Variants in TOPORS observed in about 807,000 individuals in gnomAD.
The protein encoded by TOPORS is E3 ubiquitin-protein ligase Topors.
TOPORS carries 25 observed loss-of-function variants against 81.4 expected under a neutral mutation model. That is an observed-to-expected ratio of 0.31 (90% CI 0.22 to 0.43). The LOEUF (loss-of-function observed/expected upper bound fraction) is 0.43. TOPORS is among the 20% of genes least tolerant of loss of function. The pLI is 1.00. For missense variants in TOPORS, 1,101 were observed against 1,267.0 expected, an observed-to-expected ratio of 0.87 and a Z score of 1.99; for synonymous variants, 473 against 456.6, an observed-to-expected ratio of 1.04 and a Z score of -0.46.
chr9:32,548,637 A>G (rs1227620085), intron 2 of TOPORS, among the ~76,000 whole-genome samples: 7 of 152,204 alleles, frequency 4.6e-5, no homozygotes, highest in Non-Finnish European at 1.0e-4. Flanking sequence ...AGGTTCTGTA[A>G]GAAGCCTGTG....
chr9:32,544,681 T>C (rs190643040), intron 2 of TOPORS, among the ~76,000 whole-genome samples: 25 of 152,242 alleles, frequency 1.6e-4, no homozygotes, highest in Admixed American at 1.5e-3. Flanking sequence ...TGCTACATAG[T>C]AAAGCTCTCA....
rs747383256 is a variant in TOPORS, at chr9:32,542,710, C to A, written c.1815G>T (p.Gln605His). 6 of 1,613,928 alleles carry A rather than the reference C, an allele frequency of 3.7e-6. No individual in the cohort carries two copies. The highest frequency in any genetic ancestry group is 2.2e-5 in the South Asian group (2 of 91,086). ...GRSRSSDSRS[Q>H]SRSGHDQKNH... is the part of the protein sequence containing the mutation. ...TCTTCTGATCATGCCCACTTCTACT[C>A]TGAGAACGTGAATCTGAACTTCTTG... is the stretch of plus-strand genomic sequence containing the variant. The change falls in exon 3 of 3, where the codon CAG (glutamine) becomes CAT (histidine). Residue 605 changes from glutamine to histidine, a missense_variant. Transcript: ENST00000360538.
intron 1 of TOPORS, chr9:32,551,477 G>C (rs1373206960): frequency 3.8e-6 from 1 of 266,054 alleles, no homozygotes; most frequent in Non-Finnish European, 7.6e-6. Context: ...AGGCTGGGGA[G>C]AAACAGGACA....
intron 1 of TOPORS, chr9:32,551,496 A>G: frequency 3.8e-6 from 1 of 265,596 alleles, no homozygotes; most frequent in Non-Finnish European, 7.6e-6. Flanking sequence ...CAACCTAACA[A>G]AACAGGGCCT....
intron 2 of TOPORS, 108 bp downstream of exon 2, chr9:32,550,666 G>A (rs1249130310): frequency 1.2e-5 from 16 of 1,317,302 alleles, no homozygotes; most frequent in Non-Finnish European, 1.6e-5. Flanking sequence ...GGACAGCCCC[G>A]CAGGCCATGA....
At position 32,542,999 on chromosome 9, in the gene TOPORS, T is replaced by C. The variant is rs2118967716; in HGVS notation, c.1526A>G (p.Lys509Arg). The change falls in exon 3 of 3, where the codon AAA (lysine) becomes AGA (arginine). Residue 509 changes from lysine (K) to arginine (R), a missense_variant. Lys to Arg is a conservative substitution (Grantham distance 26, BLOSUM62 2). Transcript: ENST00000360538. ...SDSEDLGSYE[K>R]METVKTQEQE... is the part of the protein sequence containing the mutation. ...TTCTTGTGTCTTCACTGTCTCCATT[T>C]TCTCATAAGAACCTAAGTCCTCAGA... 2 of 1,614,226 alleles carry C rather than the reference T, an allele frequency of 1.2e-6. No homozygotes were observed. Among genetic ancestry groups the C allele is most frequent in the South Asian group, 2.2e-5 (2 of 91,086 alleles).
Position 32,542,979 on chromosome 9 carries a change from G to C in TOPORS, c.1546C>G (p.Gln516Glu), listed in dbSNP as rs776204840. Reference sequence around the variant, plus strand: ...GAACTGTAAGATTGCTCCTGTTCTTGTGTCTTCACTGTCTCCATTTTCTCA... The same window carrying C: ...GAACTGTAAGATTGCTCCTGTTCTTCTGTCTTCACTGTCTCCATTTTCTCA... ...SYEKMETVKTQEQEQSYSSGD... is the reference protein window; with the variant it reads ...SYEKMETVKTEEQEQSYSSGD... The change falls in exon 3 of 3, where the codon CAA becomes GAA. Residue 516 changes from glutamine to glutamate, a missense_variant. By Grantham distance (29) the Gln-to-Glu change is conservative (BLOSUM62 2). Around this residue, in one of 9 missense-constraint regions of TOPORS, gnomAD observed 605 missense variants for 636.1 expected, o/e 0.95. Coordinates refer to ENST00000360538, the MANE Select transcript of TOPORS (RefSeq NM_005802.5). The C allele has an allele frequency of 1.9e-6, 3 of 1,614,192 alleles. No homozygotes were observed. Among genetic ancestry groups the C allele is most frequent in the Non-Finnish European group, 8.5e-7 (1 of 1,180,034 alleles).
chr9:32,542,593 C>CTTTTTG lies in TOPORS; in HGVS notation c.1926_1931dup (p.Lys643_Lys644insAsnLys). On this transcript the variant is annotated inframe_insertion, in exon 3 of 3. Transcript: ENST00000360538. Reference sequence around the variant, plus strand: ...AACTGCTATCTCTAGTTCTTGATCTCTTTTTGTCTCTTCTCCCTCTAGGTC... The same window carrying CTTTTTG: ...AACTGCTATCTCTAGTTCTTGATCTCTTTTTGTTTTTGTCTCTTCTCCCTCTAGGTC... The CTTTTTG allele has an allele frequency of 1.2e-6, 2 of 1,614,080 alleles. No individual in the cohort carries two copies. The highest frequency in any genetic ancestry group is 1.7e-6 in the Non-Finnish European group (2 of 1,180,012).
chr9:32,545,407 C>T lies in TOPORS; in HGVS notation c.199-1081G>A, dbSNP rs1038448694. Among the ~76,000 whole-genome samples the T allele has an allele frequency of 1.1e-4, 16 of 149,588 alleles. No homozygotes were observed. The East Asian group carries it at 2.3e-3, about 22-fold the overall frequency. The stretch of plus-strand genomic sequence containing the variant: ...TTGCTAGAGCTTGAAATCTAGTATG[C>T]GTTTTGACTTTATCTCATAAACTCC... On this transcript the variant is annotated intron_variant, in intron 2 of 2. Coordinates refer to ENST00000360538, the MANE Select transcript of TOPORS (RefSeq NM_005802.5).
chr9:32,549,474 C>CA (rs1313289709), intron 2 of TOPORS, among the ~76,000 whole-genome samples: 10 of 152,132 alleles, frequency 6.6e-5, no homozygotes, highest in African/African-American at 2.2e-4. Flanking sequence ...AGTTTTTTCT[C>CA]AAAATCTCAC....
rs2118963198 is a variant in TOPORS, at chr9:32,541,261, T to C, written c.*126A>G. ...CAAATTAACACCAAAAAAAAAATCATTTAAAATATTGTAAGGAGGAAGAGA... is the reference window on the plus strand; with the variant it reads ...CAAATTAACACCAAAAAAAAAATCACTTAAAATATTGTAAGGAGGAAGAGA... On this transcript the variant is annotated 3_prime_UTR_variant, in exon 3 of 3. Transcript: ENST00000360538. 1.0e-6 allele frequency: 1 copy of C among 961,912 alleles called. No homozygotes were observed. The highest frequency in any genetic ancestry group is 1.5e-6 in the Non-Finnish European group (1 of 653,770). The allele number at this position is 961,912 out of a possible 1,614,324, so 59.6% of individuals were successfully genotyped here.
In TOPORS at chr9:32,542,089, T is replaced by A; in HGVS notation, c.2436A>T (p.Pro812=). 1 of 1,614,184 alleles carries A rather than the reference T, an allele frequency of 6.2e-7. No homozygotes were observed. Among genetic ancestry groups the A allele is most frequent in the East Asian group, 2.2e-5 (1 of 44,882 alleles). ...TTGCTTTAGAAGCAAATTCACGAGA[T>A]GGCTGAGCCACTTCGTTAGTACCCT... ...HLEGTNEVAQ[P]SREFASKAKD... is the part of the protein sequence containing the mutation. Residue 812 remains proline, a synonymous_variant, in exon 3 of 3, where the codon CCA becomes CCT. Transcript: ENST00000360538.
In TOPORS at chr9:32,543,209, A is replaced by G; in HGVS notation, c.1316T>C (p.Leu439Ser). The change falls in exon 3 of 3, where the codon TTA becomes TCA. Residue 439 changes from leucine to serine, a missense_variant. Transcript: ENST00000360538. The surrounding 1 kb of genome is among the most constrained non-coding windows in gnomAD (Gnocchi z 5.6). ...TTCATCTGAACTGTCAGAAGTATTT[A>G]AAAGAGAAGACATAGTAACGTGTAC... ...EQVHVTMSSL[L>S]NTSDSSDEEL... The G allele has an allele frequency of 1.2e-6, 2 of 1,613,708 alleles. No individual in the cohort carries two copies. The highest frequency in any genetic ancestry group is 1.7e-6 in the Non-Finnish European group (2 of 1,180,026).
chr9:32,550,185 T>C (rs980469189), intron 2 of TOPORS, among the ~76,000 whole-genome samples: 1 of 152,196 alleles, frequency 6.6e-6, no homozygotes, highest in Non-Finnish European at 1.5e-5. Flanking sequence ...ATCTCAGCAC[T>C]GCCCCCTTCC....
chr9:32,544,320 C>T lies in TOPORS; in HGVS notation c.205G>A (p.Ala69Thr). 6.2e-7 allele frequency: 1 copy of T among 1,600,170 alleles called. No homozygotes were observed. The highest frequency in any genetic ancestry group is 8.5e-7 in the Non-Finnish European group (1 of 1,179,898). ...RPAPASSEIM[A>T]SAAKEFKMDN... The stretch of plus-strand genomic sequence containing the variant: ...ATTTTAAATTCCTTAGCAGCTGATG[C>T]CATTATCTGTAAAAGGGAAAGAAAT... The change falls in exon 3 of 3, where the codon GCA becomes ACA. Residue 69 changes from alanine (A) to threonine (T), a missense_variant. Ala to Thr is a moderately conservative substitution (Grantham distance 58). Coordinates refer to ENST00000360538, the MANE Select transcript of TOPORS (RefSeq NM_005802.5).
rs779056957 is a variant in TOPORS at position 32,542,641 on chromosome 9, T to C, written c.1884A>G (p.Arg628=). The C allele has an allele frequency of 3.3e-5, 54 of 1,613,946 alleles. No individual in the cohort carries two copies. The highest frequency in any genetic ancestry group is 6.7e-5 in the African/African-American group (5 of 74,918). ...HHGKKRMKSK[R]SRSRESSRPR... is the part of the protein sequence containing the mutation. ...GTCTGCTACTTTCCCTGCTTCTGGA[T>C]CGTTTACTTTTCATTCTTTTCTTCC... Residue 628 remains arginine, a synonymous_variant, in exon 3 of 3, where the codon CGA becomes CGG. Transcript: ENST00000360538.
At chr9:32,550,401 T>C (rs892285417) in intron 2 of TOPORS, among the ~76,000 whole-genome samples, 1 of 152,188 alleles carries the variant, frequency 6.6e-6, no homozygotes, top group Non-Finnish European at 1.5e-5. Context: ...AACTTAAATA[T>C]TGTTATTCCC....
chr9:32,542,688 T>C lies in TOPORS; in HGVS notation c.1837A>G (p.Lys613Glu). ...TTCCCATGATGCTTTCTATGATTCTTCTGATCATGCCCACTTCTACTCTGA... is the reference window on the plus strand; with the variant it reads ...TTCCCATGATGCTTTCTATGATTCTCCTGATCATGCCCACTTCTACTCTGA... ...RSQSRSGHDQ[K>E]NHRKHHGKKR... is the part of the protein sequence containing the mutation. Residue 613 changes from lysine to glutamate, a missense_variant, in exon 3 of 3, where the codon AAG becomes GAG. This residue lies in a region of TOPORS where 605 missense variants were observed against 636.1 expected (regional missense o/e 0.95). Coordinates refer to ENST00000360538, the MANE Select transcript of TOPORS (RefSeq NM_005802.5). 6.2e-7 allele frequency: 1 copy of C among 1,614,116 alleles called. No homozygotes were observed. The highest frequency in any genetic ancestry group is 8.5e-7 in the Non-Finnish European group (1 of 1,180,036).
rs376719585 is a variant in TOPORS, at chr9:32,542,587, T to G, written c.1938A>C (p.Ser646=). ...TGGACCAACTGCTATCTCTAGTTCTTGATCTCTTTTTGTCTCTTCTCCCTC... is the reference window on the plus strand; with the variant it reads ...TGGACCAACTGCTATCTCTAGTTCTGGATCTCTTTTTGTCTCTTCTCCCTC... The part of the protein sequence containing the change: ...RPRGRRDKKR[S]RTRDSSWSRR... Residue 646 remains serine (S), a synonymous_variant, in exon 3 of 3, where the codon TCA becomes TCC. Coordinates refer to ENST00000360538, the MANE Select transcript of TOPORS (RefSeq NM_005802.5). 8 of 1,614,024 alleles carry G rather than the reference T, an allele frequency of 5.0e-6. No homozygotes were observed. Among genetic ancestry groups the G allele is most frequent in the Non-Finnish European group, 5.9e-6 (7 of 1,180,036 alleles).
Sources: gnomAD v4.1 joint callset for allele counts (sites outside exome capture counted in the v4.1 genomes callset) on GRCh38, gnomAD v4.1.1 for gene constraint, gnomAD v4.1.1 regional missense constraint, Gnocchi (gnomAD v3.1) non-coding constraint, MANE v1.5 for transcripts, NCBI Gene and HGNC (gene_info 2026-07-23, HGNC 2026-07-21) for gene names.